The following ACTR6 variants were observed in gnomAD, a reference collection of about 807,000 sequenced individuals.
ACTR6 encodes actin related protein 6.
In ACTR6, 50 loss-of-function variants were observed where a neutral mutation model predicts 52.5. The observed-to-expected ratio is 0.95, with a 90% CI of 0.76 to 1.20. The LOEUF (loss-of-function observed/expected upper bound fraction) is 1.20. Among genes scored for constraint, ACTR6 ranks in the 50% most tolerant of loss-of-function variants. The probability of loss-of-function intolerance (pLI) is 0.00; values close to 1 mark genes in which losing one functional copy is unlikely to be tolerated. For missense variants in ACTR6, 344 were observed against 472.4 expected (o/e 0.73, Z 2.52); for synonymous variants, 135 against 147.2 (o/e 0.92, Z 0.60).
intron 9 of ACTR6, 28 bp from the exon 10 acceptor site, chr12:100,219,980 C>A (rs1268511967): frequency 1.0e-5 from 16 of 1,603,748 alleles, no homozygotes; most frequent in Non-Finnish European, 1.4e-5. Context: ...GCCTTTTTTC[C>A]TTTCCTTCTC....
chr12:100,210,292 C>G lies in ACTR6; in HGVS notation c.516-3C>G. On this transcript the variant is annotated splice_region_variant and splice_polypyrimidine_tract_variant and intron_variant, in intron 5 of 10. Transcript: ENST00000188312. ...TAATTAAATTTGAGTTCTCCCCTTG[C>G]AGGATAAATGTGGGAGGAAAACTCT... 1.2e-6 allele frequency: 2 copies of G among 1,613,854 alleles called. No individual in the cohort carries two copies. The highest frequency in any genetic ancestry group is 1.7e-6 in the Non-Finnish European group (2 of 1,179,838).
intron 1 of ACTR6, among the ~76,000 whole-genome samples, chr12:100,201,357 G>T (rs2096109532): frequency 6.6e-6 from 1 of 152,168 alleles, no homozygotes; most frequent in South Asian, 2.1e-4. Context: ...GGATCTAGAG[G>T]CTTTGAAGAC....
chr12:100,210,409 G>A, intron 6 of ACTR6, 58 bp downstream of exon 6: 1 of 1,529,624 alleles, frequency 6.5e-7, no homozygotes, highest in Non-Finnish European at 9.0e-7. Flanking sequence ...ACCTTTTACA[G>A]TAATTTAAGA....
At chr12:100,203,959 A>C (rs2096112242) in intron 1 of ACTR6, 1 of 152,190 alleles carries the variant, frequency 6.6e-6, no homozygotes, top group Non-Finnish European at 1.5e-5. Context: ...TAACTTGTGA[A>C]TCTTTAATCC....
At chr12:100,203,372 C>T (rs1231149239) in intron 1 of ACTR6, among the ~76,000 whole-genome samples, 2 of 151,518 alleles carry the variant, frequency 1.3e-5, no homozygotes, top group African/African-American at 4.9e-5. Flanking sequence ...GGCACAATCT[C>T]TGCTCACTGC....
chr12:100,207,036 A>C (rs2096115448), intron 3 of ACTR6, among the ~76,000 whole-genome samples: 1 of 151,536 alleles, frequency 6.6e-6, no homozygotes, highest in South Asian at 2.1e-4. Flanking sequence ...TCATTCATTA[A>C]TGTTTCTATA....
At chr12:100,210,380 G>A in intron 6 of ACTR6, 29 bp downstream of exon 6, 1 of 1,605,342 alleles carries the variant, frequency 6.2e-7, no homozygotes, top group Non-Finnish European at 8.5e-7. Flanking sequence ...TCTTTGGGAG[G>A]ATGGGGCTCT....
chr12:100,205,236 T>C (rs2096113482), intron 2 of ACTR6, 179 bp downstream of exon 2: 1 of 481,536 alleles, frequency 2.1e-6, no homozygotes, highest in African/African-American at 2.0e-5. Context: ...TTATTGTGAG[T>C]ACTGATTTTT....
At chr12:100,206,193 T>G (rs2096114443) in intron 3 of ACTR6, 6 of 152,394 alleles carry the variant, frequency 3.9e-5, no homozygotes, top group Admixed American at 3.9e-4. Context: ...TTAAAACATC[T>G]GCAGGCCAAG....
At chr12:100,220,284 A>G (rs530377226) in intron 10 of ACTR6, 138 bp downstream of exon 10, 1 of 854,654 alleles carries the variant, frequency 1.2e-6, no homozygotes, top group South Asian at 1.9e-5. Context: ...TTCTTCTTTC[A>G]AAAATTGAAA....
At chr12:100,201,191 G>T in intron 1 of ACTR6, 8 of 737,228 alleles carry the variant, frequency 1.1e-5, no homozygotes, top group Non-Finnish European at 1.5e-5. Flanking sequence ...ATAGAGATGC[G>T]TTCCTGACAG....
At chr12:100,214,897 G>A (rs571416627) in intron 8 of ACTR6, among the ~76,000 whole-genome samples, 4 of 152,298 alleles carry the variant, frequency 2.6e-5, no homozygotes, top group South Asian at 2.1e-4. Flanking sequence ...GCTAAGATAC[G>A]GAAGGTGTAT....
chr12:100,223,078 C>T (rs1402825321), intron 10 of ACTR6, among the ~76,000 whole-genome samples: 1 of 152,090 alleles, frequency 6.6e-6, no homozygotes, highest in African/African-American at 2.4e-5. Context: ...TGGCTCACAA[C>T]TATAATCCCA....
intron 1 of ACTR6, 124 bp downstream of exon 1, chr12:100,201,043 T>C: frequency 6.5e-7 from 1 of 1,542,764 alleles, no homozygotes; most frequent in Non-Finnish European, 8.8e-7. Flanking sequence ...GCCAGAGGGA[T>C]TCCCTGGTTG....
At chr12:100,207,030 T>C (rs998511211) in intron 3 of ACTR6, among the ~76,000 whole-genome samples, 4 of 151,920 alleles carry the variant, frequency 2.6e-5, no homozygotes, top group African/African-American at 9.7e-5. Flanking sequence ...GTTGTATCAT[T>C]CATTAATGTT....
intron 10 of ACTR6, among the ~76,000 whole-genome samples, chr12:100,222,953 G>A (rs906681739): frequency 2.6e-5 from 4 of 152,196 alleles, no homozygotes; most frequent in African/African-American, 7.2e-5. Context: ...CAAAAGCACA[G>A]ACTGTGAAAA....
At chr12:100,209,501 C>T (rs1483206117) in intron 4 of ACTR6, among the ~76,000 whole-genome samples, 2 of 152,148 alleles carry the variant, frequency 1.3e-5, no homozygotes, top group Non-Finnish European at 2.9e-5. Flanking sequence ...GTGCTACTGG[C>T]ATCTCATGGG....
intron 4 of ACTR6, among the ~76,000 whole-genome samples, chr12:100,208,359 T>C (rs1029833137): frequency 2.6e-5 from 4 of 151,916 alleles, no homozygotes; most frequent in Admixed American, 6.6e-5. Flanking sequence ...CTGCTCACCC[T>C]CCACCTCCTG....
In ACTR6 at chr12:100,223,800, C is replaced by T; in HGVS notation, c.1076C>T (p.Ala359Val). 1 of 1,607,760 alleles carries T rather than the reference C, an allele frequency of 6.2e-7. No individual in the cohort carries two copies. The highest frequency in any genetic ancestry group is 8.5e-7 in the Non-Finnish European group (1 of 1,178,076). ...VVLPENPITY[A>V]WEGGKLISEN... is the part of the protein sequence containing the mutation. ...TTTATTTTCAGCCCTATTACTTATG[C>T]CTGGGAAGGTGGAAAATTGATATCA... is the stretch of plus-strand genomic sequence containing the variant. The change falls in exon 11 of 11, where the codon GCC (alanine) becomes GTC (valine). Residue 359 changes from alanine to valine, a missense_variant. Coordinates refer to ENST00000188312, the MANE Select transcript of ACTR6 (RefSeq NM_022496.5).
Sources: gnomAD v4.1 joint callset for allele counts (sites outside exome capture counted in the v4.1 genomes callset) on GRCh38, gnomAD v4.1.1 for gene constraint, MANE v1.5 for transcripts, NCBI Gene and HGNC (gene_info 2026-07-23, HGNC 2026-07-21) for gene names.